Variants in RXYLT1 observed in about 807,000 individuals in gnomAD.
RXYLT1 encodes ribitol-5-phosphate xylosyltransferase 1.
RXYLT1 carries 41 observed loss-of-function variants against 43.5 expected under a neutral mutation model. The ratio of observed to expected loss-of-function variants is 0.94; its 90% CI spans 0.73 to 1.22. RXYLT1 has a LOEUF of 1.22. Among genes scored for constraint, RXYLT1 ranks in the 50% most tolerant of loss-of-function variants. The pLI, the probability that RXYLT1 is intolerant of heterozygous loss-of-function variation, is 0.00. For missense variants in RXYLT1, 514 were observed against 532.0 expected, an observed-to-expected ratio of 0.97 and a Z score of 0.33; for synonymous variants, 166 against 194.4, an observed-to-expected ratio of 0.85 and a Z score of 1.21.
intron 3 of RXYLT1, among the ~76,000 whole-genome samples, chr12:63,792,863 C>G (rs962978896): frequency 6.6e-6 from 1 of 152,186 alleles, no homozygotes; most frequent in Admixed American, 6.5e-5. Context: ...CAAGTCACCT[C>G]CAATATTAAG....
rs150736997 is a variant in RXYLT1 at position 63,808,776 on chromosome 12, A to G, written c.1016A>G (p.Tyr339Cys). The G allele has an allele frequency of 5.8e-5, 93 of 1,613,278 alleles. No individual in the cohort carries two copies. Among genetic ancestry groups the G allele is most frequent in the Non-Finnish European group, 7.7e-5 (91 of 1,179,926 alleles). Reference sequence around the variant, plus strand: ...CCGGTCGGAGTAAACACAGAATGCTATCGAATCTATGAGGCTTGCTCCTAT... The same window carrying G: ...CCGGTCGGAGTAAACACAGAATGCTGTCGAATCTATGAGGCTTGCTCCTAT... ...LCPVGVNTEC[Y>C]RIYEACSYGS... The change falls in exon 6 of 6, where the codon TAT becomes TGT. Residue 339 changes from tyrosine to cysteine, a missense_variant. Physicochemically the swap from Tyr to Cys is radical, Grantham distance 194. Coordinates refer to ENST00000261234, the MANE Select transcript of RXYLT1 (RefSeq NM_014254.3).
intron 3 of RXYLT1, among the ~76,000 whole-genome samples, chr12:63,800,140 C>T (rs1302355177): frequency 6.6e-6 from 1 of 152,054 alleles, no homozygotes; most frequent in Non-Finnish European, 1.5e-5. Context: ...TATTTGTTAA[C>T]CATGGAGTTA....
At chr12:63,788,854 T>A (rs1416798537) in intron 3 of RXYLT1, among the ~76,000 whole-genome samples, 2 of 152,228 alleles carry the variant, frequency 1.3e-5, no homozygotes, top group African/African-American at 4.8e-5. Context: ...GAGGCCTAGC[T>A]TTTAGCTTGC....
intron 3 of RXYLT1, among the ~76,000 whole-genome samples, chr12:63,790,107 A>G (rs1425405070): frequency 6.6e-6 from 1 of 152,186 alleles, no homozygotes; most frequent in Admixed American, 6.5e-5. Context: ...TCATCAACAC[A>G]TAGGCCCAAA....
intron 4 of RXYLT1, chr12:63,804,808 TCTTCCTTTTCC>T (rs1898249061): frequency 6.5e-6 from 1 of 154,546 alleles, no homozygotes; most frequent in Non-Finnish European, 1.4e-5. Flanking sequence ...TCGATCAACA[TCTTCCTTTTCC>T]CCATCCATCT....
intron 3 of RXYLT1, chr12:63,790,417 A>G (rs1001670505): frequency 6.6e-6 from 1 of 152,200 alleles, no homozygotes; most frequent in Non-Finnish European, 1.5e-5. Context: ...ATACAGGGCA[A>G]ACTGAACTTC....
Position 63,802,292 on chromosome 12 carries a change from G to A in RXYLT1, c.630G>A (p.Trp210Ter), listed in dbSNP as rs1417234803. 1.2e-6 allele frequency: 2 copies of A among 1,613,922 alleles called. No homozygotes were observed. Among genetic ancestry groups the A allele is most frequent in the East Asian group, 2.2e-5 (1 of 44,848 alleles). ...LLGNEHCDNE[W>*]INPFLKRNGG... ...GAAATGAACATTGTGATAATGAGTGGATAAACCCATTCCTCAAAAGAAATG... is the reference window on the plus strand; with the variant it reads ...GAAATGAACATTGTGATAATGAGTGAATAAACCCATTCCTCAAAAGAAATG... Residue 210 changes from tryptophan to a stop codon, truncating the protein, a stop_gained, in exon 4 of 6, where the codon TGG (tryptophan) becomes TGA (stop). Transcript: ENST00000261234. LOFTEE classifies it high-confidence loss of function.
Position 63,785,068 on chromosome 12 carries a change from T to C in RXYLT1, c.424T>C (p.Tyr142His). Residue 142 changes from tyrosine to histidine, a missense_variant, in exon 3 of 6, where the codon TAC becomes CAC. Tyr to His is a moderately conservative substitution (Grantham distance 83, BLOSUM62 2). Transcript: ENST00000261234. Reference sequence around the variant, plus strand: ...AAAGTCAATCGTAGGAAGAACACAGTACAGGTATTGGTTGTATTAGTTGTG... The same window carrying C: ...AAAGTCAATCGTAGGAAGAACACAGCACAGGTATTGGTTGTATTAGTTGTG... ...EGKSIVGRTQ[Y>H]SFITGPAVIP... is the part of the protein sequence containing the mutation. The C allele has an allele frequency of 6.2e-7, 1 of 1,611,454 alleles. No homozygotes were observed. Among genetic ancestry groups the C allele is most frequent in the Non-Finnish European group, 8.5e-7 (1 of 1,178,096 alleles).
chr12:63,800,534 T>C (rs1898135611), intron 3 of RXYLT1, among the ~76,000 whole-genome samples: 1 of 152,194 alleles, frequency 6.6e-6, no homozygotes, highest in African/African-American at 2.4e-5. Flanking sequence ...AATATTTCAA[T>C]GGTACTGGTT....
chr12:63,805,002 G>A lies in RXYLT1; in HGVS notation c.744-232G>A, dbSNP rs2136233217. ...AGAATGTCAAAAACAAATAACTTTA[G>A]GCACAACATCTCTGTAACACTTTTG... On this transcript the variant is annotated intron_variant, in intron 4 of 5. Coordinates refer to ENST00000261234, the MANE Select transcript of RXYLT1 (RefSeq NM_014254.3). 3 of 397,366 alleles carry A rather than the reference G, an allele frequency of 7.5e-6. No homozygotes were observed. The South Asian group carries it at 2.4e-4, about 32-fold the overall frequency. 24.6% of individuals were successfully genotyped at this position (397,366 alleles called of 1,614,324 possible).
chr12:63,791,389 T>C (rs764545428), intron 3 of RXYLT1, among the ~76,000 whole-genome samples: 3 of 152,212 alleles, frequency 2.0e-5, no homozygotes, highest in South Asian at 2.1e-4. Flanking sequence ...TTAATTGTTA[T>C]CAAGATTCGA....
intron 3 of RXYLT1, among the ~76,000 whole-genome samples, chr12:63,789,418 C>T (rs1280163904): frequency 2.0e-5 from 3 of 152,054 alleles, no homozygotes; most frequent in South Asian, 2.1e-4. Context: ...TACTTCCCAC[C>T]GGGCACCTCC....
intron 3 of RXYLT1, among the ~76,000 whole-genome samples, chr12:63,787,997 T>C (rs1394581177): frequency 6.6e-6 from 1 of 152,218 alleles, no homozygotes; most frequent in Non-Finnish European, 1.5e-5. Flanking sequence ...GCAGAATAGA[T>C]ATTTTGTTAG....
Position 63,780,146 on chromosome 12 carries a change from G to A in RXYLT1, c.169+17G>A. On this transcript the variant is annotated intron_variant, in intron 1 of 5. Transcript: ENST00000261234. The stretch of plus-strand genomic sequence containing the variant: ...GCGGCCGAGGTAGGACTGGGTCGGC[G>A]GCTTCCTTCCGGCTCTGCGCTCCTG... 6.9e-7 allele frequency: 1 copy of A among 1,457,542 alleles called. No homozygotes were observed. The highest frequency in any genetic ancestry group is 2.9e-5 in the Admixed American group (1 of 35,030). The allele number at this position is 1,457,542 out of a possible 1,614,324, so 90.3% of individuals were successfully genotyped here. A position where few individuals can be genotyped will look rare whatever the true frequency, so the allele number is the denominator to read the frequency against.
Position 63,779,981 on chromosome 12 carries a change from G to C in RXYLT1, c.21G>C (p.Arg7=). 4 of 1,611,124 alleles carry C rather than the reference G, an allele frequency of 2.5e-6. No homozygotes were observed. Among genetic ancestry groups the C allele is most frequent in the Non-Finnish European group, 3.4e-6 (4 of 1,178,930 alleles). The change falls in exon 1 of 6, where the codon CGG becomes CGC. Residue 7 remains arginine, a synonymous_variant. Transcript: ENST00000261234. MRLTRK[R]LCSFLIALYC... Reference sequence around the variant, plus strand: ...GTGGGATGCGGCTGACGCGGAAGCGGCTCTGCTCGTTTCTTATCGCCCTGT... The same window carrying C: ...GTGGGATGCGGCTGACGCGGAAGCGCCTCTGCTCGTTTCTTATCGCCCTGT...
chr12:63,798,606 C>T (rs1236095517), intron 3 of RXYLT1, among the ~76,000 whole-genome samples: 2 of 152,212 alleles, frequency 1.3e-5, no homozygotes, highest in Non-Finnish European at 2.9e-5. Context: ...TACTTGATAT[C>T]TTTCAGGCCC....
chr12:63,783,078 T>C (rs1299669735), intron 2 of RXYLT1, among the ~76,000 whole-genome samples: 1 of 152,192 alleles, frequency 6.6e-6, no homozygotes, highest in Non-Finnish European at 1.5e-5. Flanking sequence ...CCAACTAAGC[T>C]TTTTACTGTT....
In RXYLT1 at chr12:63,802,151, A is replaced by C; in HGVS notation, c.489A>C (p.Val163=). ...GYFSVDVNNV[V]LILNGREKAK... is the part of the protein sequence containing the mutation. ...TCTCCGTTGATGTGAATAATGTGGT[A>C]CTCATTTTAAATGGAAGAGAAAAAG... The change falls in exon 4 of 6, where the codon GTA becomes GTC. Residue 163 remains valine (V), a synonymous_variant. Coordinates refer to ENST00000261234, the MANE Select transcript of RXYLT1 (RefSeq NM_014254.3). 1 of 1,614,030 alleles carries C rather than the reference A, an allele frequency of 6.2e-7. No homozygotes were observed.
At chr12:63,787,410 G>A (rs760708213) in intron 3 of RXYLT1, among the ~76,000 whole-genome samples, 4 of 152,004 alleles carry the variant, frequency 2.6e-5, no homozygotes, top group South Asian at 2.1e-4. Flanking sequence ...CTTAAATCTC[G>A]AACCCCTCAA....
Sources: gnomAD v4.1 joint callset for allele counts (sites outside exome capture counted in the v4.1 genomes callset) on GRCh38, gnomAD v4.1.1 for gene constraint, MANE v1.5 for transcripts, NCBI Gene and HGNC (gene_info 2026-07-23, HGNC 2026-07-21) for gene names.